AGMO: variants seen among roughly 807,000 people sequenced by gnomAD.
AGMO encodes the protein glyceryl-ether monooxygenase.
AGMO carries 75 observed loss-of-function variants against 60.2 expected under a neutral mutation model. The observed-to-expected ratio is 1.25, with a 90% CI of 1.03 to 1.51. The LOEUF (loss-of-function observed/expected upper bound fraction) is 1.51, where lower values mean the gene tolerates loss of function less well. Among genes scored for constraint, AGMO ranks in the 40% most tolerant of loss-of-function variants. AGMO has a pLI of 0.00. For missense variants in AGMO, 763 were observed against 525.5 expected (o/e 1.45, Z -4.42); for synonymous variants, 261 against 177.1 (o/e 1.47, Z -3.76).
intron 2 of AGMO, among the ~76,000 whole-genome samples, chr7:15,549,780 T>C (rs1784892970): frequency 6.6e-6 from 1 of 151,204 alleles, no homozygotes; most frequent in South Asian, 2.1e-4. Context: ...TCAACAAGGA[T>C]ACCCAGGAAT....
At chr7:15,354,154 G>A (rs1026657768) in intron 12 of AGMO, among the ~76,000 whole-genome samples, 2 of 151,068 alleles carry the variant, frequency 1.3e-5, no homozygotes, top group South Asian at 4.2e-4. Flanking sequence ...TTTTAAAGGA[G>A]ACCACAAATA....
At chr7:15,203,892 T>A (rs1781372534) in intron 12 of AGMO, among the ~76,000 whole-genome samples, 1 of 152,104 alleles carries the variant, frequency 6.6e-6, no homozygotes, top group Non-Finnish European at 1.5e-5. Flanking sequence ...TTTTCTGTAG[T>A]CATCACCTAG....
intron 12 of AGMO, among the ~76,000 whole-genome samples, chr7:15,310,044 C>G (rs963918101): frequency 4.6e-5 from 7 of 152,100 alleles, no homozygotes. Context: ...CATGGTGTGT[C>G]ACAGGATTCC....
chr7:15,359,520 A>G (rs1782673266), intron 12 of AGMO, among the ~76,000 whole-genome samples: 1 of 152,240 alleles, frequency 6.6e-6, no homozygotes, highest in African/African-American at 2.4e-5. Flanking sequence ...CATATATATC[A>G]TGTATGTTTT....
intron 3 of AGMO, among the ~76,000 whole-genome samples, chr7:15,475,860 A>G (rs1197469053): frequency 1.3e-5 from 2 of 152,094 alleles, no homozygotes; most frequent in South Asian, 2.1e-4. Flanking sequence ...GGAATGAGCT[A>G]TAAGTATAAG....
At chr7:15,484,820 A>T (rs182625780) in intron 3 of AGMO, among the ~76,000 whole-genome samples, 4 of 152,294 alleles carry the variant, frequency 2.6e-5, no homozygotes, top group Middle Eastern at 6.8e-3. Flanking sequence ...TCAGAGGAGG[A>T]GGAAAGAAAT....
intron 12 of AGMO, among the ~76,000 whole-genome samples, chr7:15,259,009 A>T (rs1563058134): frequency 1.3e-5 from 2 of 151,972 alleles, no homozygotes; most frequent in Non-Finnish European, 2.9e-5. Flanking sequence ...GTTGTTTCAC[A>T]CCCCCAAAAG....
At chr7:15,240,130 G>A (rs937510612) in intron 12 of AGMO, among the ~76,000 whole-genome samples, 1 of 152,068 alleles carries the variant, frequency 6.6e-6, no homozygotes, top group African/African-American at 2.4e-5. Flanking sequence ...GTAATATAAT[G>A]AAATAAACAT....
chr7:15,438,159 T>C (rs77675905), intron 3 of AGMO, among the ~76,000 whole-genome samples: 15,979 of 152,080 alleles, frequency 0.11, 902 homozygotes, highest in South Asian at 0.15. Context: ...ACCTAAACTT[T>C]TGTTTTCATA....
intron 5 of AGMO, 45 bp from the exon 6 acceptor site, chr7:15,394,224 A>G: frequency 7.5e-7 from 1 of 1,336,798 alleles, no homozygotes; most frequent in Non-Finnish European, 1.1e-6. Flanking sequence ...TTATCATTAA[A>G]TGTGTGTTAG....
chr7:15,493,593 TCTCG>T (rs1463356991), intron 3 of AGMO, among the ~76,000 whole-genome samples: 2 of 151,716 alleles, frequency 1.3e-5, no homozygotes, highest in Non-Finnish European at 2.9e-5. Context: ...GCCAGGATGG[TCTCG>T]ATCTCCTGAC....
At chr7:15,369,317 C>T (rs1783108019) in intron 10 of AGMO, among the ~76,000 whole-genome samples, 2 of 152,068 alleles carry the variant, frequency 1.3e-5, no homozygotes, top group Non-Finnish European at 2.9e-5. Context: ...GATCATGTCA[C>T]ACATGTTCTA....
the AGMO span, among the ~76,000 whole-genome samples, chr7:15,190,196 T>TGC: frequency 5.4e-4 from 1 of 1,856 alleles, no homozygotes; most frequent in African/African-American, 1.8e-3. Context: ...TATATATATA[T>TGC]ATATTTATAT....
chr7:15,182,406 A>G, the AGMO span, among the ~76,000 whole-genome samples: 53 of 152,104 alleles, frequency 3.5e-4, no homozygotes, highest in East Asian at 9.5e-3. Flanking sequence ...TCAATAATAC[A>G]CTGTTTTTAT....
chr7:15,255,392 G>A lies in AGMO; in HGVS notation c.1264-54033C>T, dbSNP rs1272866918. On this transcript the variant is annotated intron_variant, in intron 12 of 12. Transcript: ENST00000342526. ...AGTTTTTAAAGAAACTGATATTTTC[G>A]CTGCCGAATTGTACAAAACATTTAA... is the stretch of plus-strand genomic sequence containing the variant. Among the ~76,000 whole-genome samples, 10 of 151,908 alleles carry A rather than the reference G, an allele frequency of 6.6e-5. No individual in the cohort carries two copies. The East Asian group carries it at 9.6e-4, about 15-fold the overall frequency.
At chr7:15,123,076 G>A in the AGMO span, among the ~76,000 whole-genome samples, 7 of 151,902 alleles carry the variant, frequency 4.6e-5, no homozygotes, top group Non-Finnish European at 1.0e-4. Context: ...CATGCTAGTT[G>A]TGCTCTTGCC....
At chr7:15,214,927 G>A (rs772067838) in intron 12 of AGMO, among the ~76,000 whole-genome samples, 2 of 151,884 alleles carry the variant, frequency 1.3e-5, no homozygotes, top group African/African-American at 2.4e-5. Context: ...ACATCTTTTT[G>A]TATCTCTTGC....
At chr7:15,229,393 T>C (rs182739883) in intron 12 of AGMO, among the ~76,000 whole-genome samples, 7 of 151,084 alleles carry the variant, frequency 4.6e-5, no homozygotes, top group African/African-American at 1.7e-4. Context: ...AAAAATAAGA[T>C]AAAATAAAAT....
At chr7:15,361,810 G>A (rs1782779567) in intron 12 of AGMO, among the ~76,000 whole-genome samples, 1 of 152,080 alleles carries the variant, frequency 6.6e-6, no homozygotes. Flanking sequence ...CCCAAATAAT[G>A]TAGGAAGACT....
Sources: gnomAD v4.1 joint callset for allele counts (sites outside exome capture counted in the v4.1 genomes callset) on GRCh38, gnomAD v4.1.1 for gene constraint, MANE v1.5 for transcripts, NCBI Gene and HGNC (gene_info 2026-07-23, HGNC 2026-07-21) for gene names.